The following ZNF600 variants were observed in gnomAD, a reference collection of about 807,000 sequenced individuals.
ZNF600 encodes zinc finger protein KR-ZNF1.
A neutral mutation model predicts 7.3 loss-of-function variants in ZNF600; 4 were observed. That is an observed-to-expected ratio of 0.55 (90% CI 0.27 to 1.25). The LOEUF (loss-of-function observed/expected upper bound fraction) is 1.25. Among genes scored for constraint, ZNF600 ranks in the 50% most tolerant of loss-of-function variants. The pLI is 0.12. For synonymous variants in ZNF600, 290 were observed against 308.9 expected (o/e 0.94, Z 0.64); for missense variants, 911 against 922.1 (o/e 0.99, Z 0.16).
At chr19:52,788,892 A>C (rs552736317), upstream of ZNF600, among the ~76,000 whole-genome samples, 34 of 152,326 alleles carry the variant, frequency 2.2e-4, no homozygotes, top group Middle Eastern at 3.4e-3. Context: ...TATTTGCAAA[A>C]TGCCTGAAAA....
intron 3 of ZNF600, among the ~76,000 whole-genome samples, chr19:52,768,517 C>T (rs1012406565): frequency 2.0e-5 from 3 of 151,526 alleles, no homozygotes; most frequent in Non-Finnish European, 4.4e-5. Flanking sequence ...TATATCCACA[C>T]AGGACAGGCA....
chr19:52,784,733 C>T (rs1430752241), intron 1 of ZNF600, among the ~76,000 whole-genome samples: 6 of 152,158 alleles, frequency 3.9e-5, no homozygotes, highest in African/African-American at 1.4e-4. Context: ...AGTCCCCCAC[C>T]CTTTTTTTCT....
the ZNF600 span, chr19:52,801,807 A>T: frequency 9.1e-7 from 1 of 1,095,576 alleles, no homozygotes; most frequent in South Asian, 1.8e-5. Flanking sequence ...TAAACTTCCC[A>T]AACATGATCT....
the ZNF600 span, among the ~76,000 whole-genome samples, chr19:52,815,769 G>A: frequency 6.8e-6 from 1 of 146,282 alleles, no homozygotes. Context: ...AGCTTGCAGT[G>A]AGCCGAGATT....
At chr19:52,810,259 C>T in the ZNF600 span, 4 of 1,344,580 alleles carry the variant, frequency 3.0e-6, no homozygotes, top group African/African-American at 1.4e-5. Context: ...CCAGGCAATG[C>T]TGGCCCAGTG....
At chr19:52,818,406 C>G in the ZNF600 span, among the ~76,000 whole-genome samples, 1 of 151,872 alleles carries the variant, frequency 6.6e-6, no homozygotes, top group Admixed American at 6.6e-5. Flanking sequence ...GAGAAACCCT[C>G]TCTCTACTAA....
chr19:52,793,691 CG>C, the ZNF600 span, among the ~76,000 whole-genome samples: 7 of 147,412 alleles, frequency 4.7e-5, no homozygotes, highest in East Asian at 1.4e-3. Flanking sequence ...CGCTTGAACC[CG>C]GAAGAAGGAG....
exon 4 of ZNF600, chr19:52,767,768 G>A (rs772195680): frequency 1.9e-6 from 3 of 1,557,284 alleles, no homozygotes; most frequent in Non-Finnish European, 2.6e-6. Context: ...GTTTGGAAGA[G>A]ATATCTACAA....
intron 2 of ZNF600, among the ~76,000 whole-genome samples, chr19:52,775,553 A>C (rs1268736078): frequency 6.6e-6 from 1 of 152,096 alleles, no homozygotes; most frequent in Non-Finnish European, 1.5e-5. Flanking sequence ...CATCTCAAAA[A>C]CAAACAAACA....
chr19:52,811,169 C>T, the ZNF600 span, among the ~76,000 whole-genome samples: 219 of 151,090 alleles, frequency 1.4e-3, 2 homozygotes, highest in African/African-American at 4.9e-3. Context: ...GCCGGGATTG[C>T]AGATGGAGTC....
intron 3 of ZNF600, among the ~76,000 whole-genome samples, chr19:52,770,624 C>A: frequency 6.6e-6 from 1 of 151,868 alleles, no homozygotes; most frequent in East Asian, 1.9e-4. Context: ...ATAAACAGAT[C>A]AGAGAAAATA....
chr19:52,796,013 A>G, the ZNF600 span, among the ~76,000 whole-genome samples: 6 of 152,126 alleles, frequency 3.9e-5, no homozygotes, highest in Non-Finnish European at 8.8e-5. Context: ...CATCTCTACT[A>G]GGAACACAAA....
chr19:52,777,266 T>TA (rs1430293173), intron 2 of ZNF600, among the ~76,000 whole-genome samples: 1 of 151,422 alleles, frequency 6.6e-6, no homozygotes, highest in African/African-American at 2.4e-5. Context: ...TAATCCCAGA[T>TA]ACTCGGGAGG....
At chr19:52,822,074 C>CTTTTTTTTTTTTTTTTTTT in the ZNF600 span, among the ~76,000 whole-genome samples, 8 of 78,686 alleles carry the variant, frequency 1.0e-4, no homozygotes, top group Non-Finnish European at 1.5e-4. Flanking sequence ...TTCTTTTTCC[C>CTTTTTTTTTTTTTTTTTTT]TTTTTTTTTT....
the ZNF600 span, among the ~76,000 whole-genome samples, chr19:52,812,770 A>T: frequency 1.7e-5 from 2 of 119,500 alleles, no homozygotes; most frequent in African/African-American, 4.1e-5. Flanking sequence ...AATAAAAAAA[A>T]AAAAAAAAAA....
At chr19:52,812,532 C>T in the ZNF600 span, among the ~76,000 whole-genome samples, 1 of 124,478 alleles carries the variant, frequency 8.0e-6, no homozygotes, top group Non-Finnish European at 1.7e-5. Context: ...AAGGGCGGTG[C>T]AAGATGTGCT....
At chr19:52,820,028 C>T in the ZNF600 span, among the ~76,000 whole-genome samples, 1 of 145,012 alleles carries the variant, frequency 6.9e-6, no homozygotes, top group African/African-American at 2.7e-5. Context: ...TTGAGACCAA[C>T]CTGGCCAACA....
At chr19:52,815,811 C>T in the ZNF600 span, among the ~76,000 whole-genome samples, 5 of 145,536 alleles carry the variant, frequency 3.4e-5, no homozygotes, top group Non-Finnish European at 5.9e-5. Flanking sequence ...GGCGACAGAG[C>T]GAGGCTCCAT....
the ZNF600 span, chr19:52,805,236 C>G: frequency 6.7e-6 from 1 of 150,284 alleles, no homozygotes; most frequent in East Asian, 2.0e-4. Flanking sequence ...CACCACTGCA[C>G]TTTAGCCTGG....
Sources: allele counts gnomAD v4.1 joint callset (sites outside exome capture counted in the v4.1 genomes callset), GRCh38; gene constraint gnomAD v4.1.1; transcripts MANE v1.5; gene names NCBI Gene and HGNC (gene_info 2026-07-23, HGNC 2026-07-21).